Variants in LIFR observed in about 807,000 individuals in gnomAD.
LIFR encodes leukemia inhibitory factor receptor.
Under a neutral mutation model 122.2 loss-of-function variants are expected in LIFR, and 84 were observed. The observed-to-expected ratio is 0.69, with a 90% CI of 0.58 to 0.82. The LOEUF (loss-of-function observed/expected upper bound fraction) is 0.82. Ranked by LOEUF, LIFR falls within the 40% of genes least tolerant of loss-of-function variation. The probability of loss-of-function intolerance (pLI) is 0.00; values close to 1 mark genes in which losing one functional copy is unlikely to be tolerated. For synonymous variants in LIFR, 422 were observed against 434.7 expected (o/e 0.97, Z 0.36); for missense variants, 1,294 against 1,311.6 (o/e 0.99, Z 0.21).
chr5:38,538,017 T>A (rs1747383977), intron 1 of LIFR, among the ~76,000 whole-genome samples: 1 of 152,208 alleles, frequency 6.6e-6, no homozygotes, highest in Non-Finnish European at 1.5e-5. Flanking sequence ...CAAATTGTCC[T>A]GATGTTGCCT....
upstream of LIFR, among the ~76,000 whole-genome samples, chr5:38,560,570 A>ATTTTG (rs548740090): frequency 2.4e-4 from 36 of 150,312 alleles, no homozygotes; most frequent in Admixed American, 9.3e-4. Flanking sequence ...ACAGGATTGC[A>ATTTTG]TTTTGTTTTG....
chr5:38,602,639 T>C (rs560365985), intron 2 of LIFR, among the ~76,000 whole-genome samples: 2 of 152,308 alleles, frequency 1.3e-5, no homozygotes, highest in South Asian at 4.1e-4. Flanking sequence ...AGGGGCCTTA[T>C]CTCATGATTT....
chr5:38,577,101 C>G (rs1749411842), intron 1 of LIFR, among the ~76,000 whole-genome samples: 1 of 152,134 alleles, frequency 6.6e-6, no homozygotes, highest in Non-Finnish European at 1.5e-5. Flanking sequence ...TCAAAGACAC[C>G]AGTTAAAAAG....
intron 1 of LIFR, among the ~76,000 whole-genome samples, chr5:38,574,162 C>G (rs1351103574): frequency 6.6e-6 from 1 of 151,970 alleles, no homozygotes; most frequent in Non-Finnish European, 1.5e-5. Context: ...GTAAGCCAAC[C>G]ACTTAAAAGC....
rs201985430 is a variant in LIFR, at chr5:38,501,981, G to GTT, written c.1600+654_1600+655dup. On this transcript the variant is annotated intron_variant, in intron 11 of 19. Transcript: ENST00000453190. The stretch of plus-strand genomic sequence containing the variant: ...TAACAAATTCTCTTTTTTAGTAATT[G>GTT]TTTTTTTTTTTTAAAAAAAAGGCCA... Among the ~76,000 whole-genome samples the GTT allele has an allele frequency of 6.4e-3, 912 of 141,736 alleles. 10 individuals are homozygous for GTT. The highest frequency in any genetic ancestry group is 0.021 in the African/African-American group (811 of 38,378). The allele number at this position is 141,736 out of a possible 152,430, so 93.0% of individuals were successfully genotyped here.
chr5:38,510,011 G>C (rs868831773), intron 7 of LIFR, among the ~76,000 whole-genome samples: 1 of 152,148 alleles, frequency 6.6e-6, no homozygotes, highest in African/African-American at 2.4e-5. Flanking sequence ...AAATATAATA[G>C]TTAAAAGATG....
chr5:38,509,788 A>G (rs1325316635), intron 7 of LIFR, among the ~76,000 whole-genome samples: 1 of 152,202 alleles, frequency 6.6e-6, no homozygotes. Context: ...ATTGAGACCT[A>G]AAAATTCTAC....
At position 38,496,465 on chromosome 5, in the gene LIFR, T is replaced by C; in HGVS notation, c.1802A>G (p.Asn601Ser). Reference protein sequence around the residue: ...QHKAEIRLDKNDYIISVVAKN... With the variant: ...QHKAEIRLDKSDYIISVVAKN... ...AGCCACTACGCTGATGATGTAGTCATTCTTATCAAGTCGTATCTCTGCTTT... is the reference window on the plus strand; with the variant it reads ...AGCCACTACGCTGATGATGTAGTCACTCTTATCAAGTCGTATCTCTGCTTT... Residue 601 changes from asparagine (N) to serine (S), a missense_variant, in exon 13 of 20, where the codon AAT (asparagine) becomes AGT (serine). By Grantham distance (46) the Asn-to-Ser change is conservative (BLOSUM62 1). Coordinates refer to ENST00000453190, the MANE Select transcript of LIFR (RefSeq NM_001127671.2). 1.9e-6 allele frequency: 3 copies of C among 1,614,114 alleles called. No homozygotes were observed. Among genetic ancestry groups the C allele is most frequent in the Non-Finnish European group, 1.7e-6 (2 of 1,179,910 alleles).
chr5:38,538,530 A>T (rs1280260378), intron 1 of LIFR, among the ~76,000 whole-genome samples: 1 of 152,072 alleles, frequency 6.6e-6, no homozygotes, highest in Non-Finnish European at 1.5e-5. Context: ...TTCCCCTCCA[A>T]ACCTGCTCTC....
chr5:38,580,635 A>C (rs1749550568), intron 1 of LIFR, among the ~76,000 whole-genome samples: 1 of 151,930 alleles, frequency 6.6e-6, no homozygotes, highest in Admixed American at 6.6e-5. Flanking sequence ...GGTCATCTCC[A>C]CCTAACCTCA....
At chr5:38,553,559 A>G (rs2112660368) in intron 1 of LIFR, among the ~76,000 whole-genome samples, 1 of 142,946 alleles carries the variant, frequency 7.0e-6, no homozygotes, top group Admixed American at 7.1e-5. Context: ...TTTGTATCAC[A>G]ACAGTACCAA....
intron 18 of LIFR, among the ~76,000 whole-genome samples, chr5:38,484,552 TA>T (rs1269891170): frequency 3.3e-5 from 5 of 152,332 alleles, no homozygotes; most frequent in African/African-American, 9.6e-5. Flanking sequence ...TTTAAATTAT[TA>T]GGAAAAATAG....
chr5:38,578,340 G>A (rs770356542), intron 1 of LIFR, among the ~76,000 whole-genome samples: 22 of 150,862 alleles, frequency 1.5e-4, no homozygotes, highest in Non-Finnish European at 2.8e-4. Context: ...CTGAGTAGCT[G>A]GTATTACAGG....
intron 1 of LIFR, among the ~76,000 whole-genome samples, chr5:38,606,635 C>A (rs947633843): frequency 7.9e-5 from 12 of 152,196 alleles, no homozygotes; most frequent in African/African-American, 2.4e-4. Context: ...TAAACATTAA[C>A]TAGAAGGTGG....
chr5:38,502,946 A>G, intron 10 of LIFR, 147 bp from the exon 11 acceptor site: 1 of 417,280 alleles, frequency 2.4e-6, no homozygotes, highest in Middle Eastern at 6.4e-4. Context: ...GAGTTTGTAT[A>G]TGTAACACCC....
At chr5:38,600,324 G>T (rs755424978), upstream of LIFR, among the ~76,000 whole-genome samples, 25 of 152,154 alleles carry the variant, frequency 1.6e-4, no homozygotes, top group Non-Finnish European at 3.2e-4. Context: ...GCTGTATCTT[G>T]GGCCATTGGT....
chr5:38,560,866 G>T (rs1318328134), upstream of LIFR, among the ~76,000 whole-genome samples: 1 of 152,016 alleles, frequency 6.6e-6, no homozygotes, highest in Non-Finnish European at 1.5e-5. Flanking sequence ...AAAGTGTTGG[G>T]ATTACATGCA....
intron 5 of LIFR, among the ~76,000 whole-genome samples, chr5:38,521,951 C>G (rs1247852257): frequency 6.6e-6 from 1 of 152,082 alleles, no homozygotes; most frequent in East Asian, 1.9e-4. Flanking sequence ...GGGAACAAAG[C>G]TGGGTGGGCT....
chr5:38,547,848 T>A (rs956922903), intron 1 of LIFR, among the ~76,000 whole-genome samples: 7 of 152,152 alleles, frequency 4.6e-5, no homozygotes, highest in African/African-American at 1.7e-4. Flanking sequence ...CTATTGCTCC[T>A]AAGGCTATAA....
Sources: gnomAD v4.1 joint callset for allele counts (sites outside exome capture counted in the v4.1 genomes callset) on GRCh38, gnomAD v4.1.1 for gene constraint, MANE v1.5 for transcripts, NCBI Gene and HGNC (gene_info 2026-07-23, HGNC 2026-07-21) for gene names.